The following LIMS1 variants were observed in gnomAD, a reference collection of about 807,000 sequenced individuals.
LIMS1 encodes LIM zinc finger domain containing 1.
In LIMS1, 18 loss-of-function variants were observed where a neutral mutation model predicts 44.1. That is an observed-to-expected ratio of 0.41 (90% CI 0.28 to 0.61). LIMS1 has a LOEUF of 0.61. Ranked by LOEUF, LIMS1 falls within the 20% of genes least tolerant of loss-of-function variation. The pLI is 0.32. For synonymous variants in LIMS1, 93 were observed against 149.1 expected (o/e 0.62, Z 2.74); for missense variants, 201 against 422.0 (o/e 0.48, Z 4.59).
chr2:108,537,101 T>G (rs149159398), intron 1 of LIMS1, among the ~76,000 whole-genome samples: 145 of 152,360 alleles, frequency 9.5e-4, no homozygotes, highest in African/African-American at 3.3e-3. Flanking sequence ...ACCACGGCCC[T>G]CTTTAGTGCT....
At chr2:108,684,022 A>C in exon 10 of LIMS1, 1 of 1,231,562 alleles carries the variant, frequency 8.1e-7, no homozygotes, top group South Asian at 1.3e-5. Flanking sequence ...TTTCTTTTCT[A>C]TGCAAGATAA....
chr2:108,618,644 G>A lies in LIMS1; in HGVS notation c.33-40961G>A, dbSNP rs59865325. 5.0e-3 allele frequency among the ~76,000 whole-genome samples: 766 copies of A among 152,154 alleles called. 6 individuals are homozygous for A. Among genetic ancestry groups the A allele is most frequent in the African/African-American group, 0.018 (727 of 41,512 alleles). On this transcript the variant is annotated intron_variant, in intron 1 of 9. Transcript: ENST00000544547. ...GATCAAGACCATCTTGGCCAACATG[G>A]TGAAACCCCATCTCTACTAAAATAC...
exon 10 of LIMS1, chr2:108,685,833 T>C (rs1693267915): frequency 6.6e-6 from 1 of 152,166 alleles, no homozygotes; most frequent in Admixed American, 6.6e-5. Flanking sequence ...GTTTGCAGTA[T>C]AGCGTCTTGA....
intron 1 of LIMS1, 124 bp downstream of exon 1, chr2:108,534,718 C>A: frequency 5.0e-6 from 2 of 397,922 alleles, no homozygotes; most frequent in South Asian, 2.0e-4. Context: ...CTCCCCCGGT[C>A]GGCCGGAGCC....
At chr2:108,570,429 C>G (rs1168450828) in intron 1 of LIMS1, among the ~76,000 whole-genome samples, 2 of 152,010 alleles carry the variant, frequency 1.3e-5, no homozygotes, top group Non-Finnish European at 2.9e-5. Context: ...GACTCCATCT[C>G]AAAAAAATAA....
chr2:108,653,110 A>G (rs1044825060), intron 1 of LIMS1, among the ~76,000 whole-genome samples: 4 of 152,116 alleles, frequency 2.6e-5, no homozygotes, highest in African/African-American at 4.8e-5. Context: ...TTAGGGTTCA[A>G]AGTAGAAAGA....
At chr2:108,681,253 A>T in intron 9 of LIMS1, 1 of 1,243,378 alleles carries the variant, frequency 8.0e-7, no homozygotes, top group Non-Finnish European at 1.0e-6. Context: ...GTCATCAGAG[A>T]TTGAAATACA....
At chr2:108,618,823 C>CA (rs36086497) in intron 1 of LIMS1, among the ~76,000 whole-genome samples, 1,280 of 85,368 alleles carry the variant, frequency 0.015, 13 homozygotes, top group East Asian at 0.044. Flanking sequence ...GACTCCGTCT[C>CA]AAAAAAAAAA....
At chr2:108,635,430 A>T (rs1406396050) in intron 1 of LIMS1, among the ~76,000 whole-genome samples, 4 of 7,022 alleles carry the variant, frequency 5.7e-4, no homozygotes, top group East Asian at 0.042. Flanking sequence ...CTTCATCTCT[A>T]AAAAAAAAAA....
chr2:108,663,443 C>T (rs1278146498), intron 2 of LIMS1, among the ~76,000 whole-genome samples: 1 of 152,220 alleles, frequency 6.6e-6, no homozygotes, highest in Non-Finnish European at 1.5e-5. Flanking sequence ...ATCTTTGTGA[C>T]ATCCAGCATT....
chr2:108,568,882 AT>A (rs953621160), intron 1 of LIMS1, among the ~76,000 whole-genome samples: 1 of 151,562 alleles, frequency 6.6e-6, no homozygotes, highest in African/African-American at 2.4e-5. Context: ...AGGCTATTTG[AT>A]TTTTTTTGGC....
intron 1 of LIMS1, among the ~76,000 whole-genome samples, chr2:108,652,836 C>T (rs1690591310): frequency 6.6e-6 from 1 of 152,162 alleles, no homozygotes; most frequent in East Asian, 1.9e-4. Flanking sequence ...CTGAGTCAGC[C>T]TGCCTCTGTC....
chr2:108,582,036 G>T (rs1217973502), intron 1 of LIMS1, among the ~76,000 whole-genome samples: 1 of 152,082 alleles, frequency 6.6e-6, no homozygotes, highest in Non-Finnish European at 1.5e-5. Context: ...GGACTTCTTT[G>T]ATTAAAATGT....
At chr2:108,552,161 T>C (rs1021992337) in intron 1 of LIMS1, among the ~76,000 whole-genome samples, 1 of 145,440 alleles carries the variant, frequency 6.9e-6, no homozygotes, top group African/African-American at 2.5e-5. Flanking sequence ...TAGTTAAATA[T>C]ATAAATATAA....
intron 1 of LIMS1, among the ~76,000 whole-genome samples, chr2:108,634,759 A>G (rs1409545428): frequency 1.3e-5 from 2 of 152,252 alleles, no homozygotes; most frequent in Non-Finnish European, 2.9e-5. Context: ...CATGACAGGA[A>G]AGCATGTGGA....
chr2:108,545,888 C>T (rs1408666941), intron 1 of LIMS1, among the ~76,000 whole-genome samples: 2 of 152,164 alleles, frequency 1.3e-5, no homozygotes, highest in African/African-American at 4.8e-5. Context: ...ATTATTAATG[C>T]ATTGAGGGTT....
intron 1 of LIMS1, among the ~76,000 whole-genome samples, chr2:108,647,401 T>C (rs1690144715): frequency 6.6e-6 from 1 of 152,230 alleles, no homozygotes; most frequent in African/African-American, 2.4e-5. Flanking sequence ...GAGGAGCTGG[T>C]ACCATTCCTT....
chr2:108,610,876 T>C (rs1186597237), intron 1 of LIMS1, among the ~76,000 whole-genome samples: 1 of 152,248 alleles, frequency 6.6e-6, no homozygotes, highest in African/African-American at 2.4e-5. Flanking sequence ...GGAATAATTT[T>C]AGATTTATAG....
At chr2:108,537,508 G>A (rs765152724) in intron 1 of LIMS1, among the ~76,000 whole-genome samples, 1 of 152,192 alleles carries the variant, frequency 6.6e-6, no homozygotes, top group Non-Finnish European at 1.5e-5. Flanking sequence ...ATAAGAAAAT[G>A]GCCAGTGCCA....
Sources: gnomAD v4.1 joint callset for allele counts (sites outside exome capture counted in the v4.1 genomes callset) on GRCh38, gnomAD v4.1.1 for gene constraint, MANE v1.5 for transcripts, NCBI Gene and HGNC (gene_info 2026-07-23, HGNC 2026-07-21) for gene names.